Variants in TNS3 observed in about 807,000 individuals in gnomAD.
TNS3 encodes tensin-3.
TNS3 carries 45 observed loss-of-function variants against 140.9 expected under a neutral mutation model. The ratio of observed to expected loss-of-function variants is 0.32; its 90% CI spans 0.25 to 0.41. The LOEUF is 0.41. Among genes scored for constraint, TNS3 ranks in the 10% least tolerant of loss-of-function variants. The pLI is 1.00. For missense variants in TNS3, 1,716 were observed against 1,906.7 expected, an observed-to-expected ratio of 0.90 and a Z score of 1.86; for synonymous variants, 815 against 788.4, an observed-to-expected ratio of 1.03 and a Z score of -0.56.
chr7:47,357,725 G>A lies in TNS3; in HGVS notation c.2281+10640C>T, dbSNP rs201766610. Among the ~76,000 whole-genome samples, 11 of 145,558 alleles carry A rather than the reference G, an allele frequency of 7.6e-5. No homozygotes were observed. The East Asian group carries it at 1.1e-3, about 15-fold the overall frequency. On this transcript the variant is annotated intron_variant, in intron 17 of 30. Transcript: ENST00000311160. ...TGTCTAACCCTGATTCTAAGAGAAC[G>A]GGTAGGCGCCGGCAAAACTGCAACA...
chr7:47,305,474 G>A (rs887146101), intron 20 of TNS3, among the ~76,000 whole-genome samples: 7 of 152,258 alleles, frequency 4.6e-5, no homozygotes, highest in Non-Finnish European at 8.8e-5. Context: ...AGGCCCTGCG[G>A]CAGCCGGGCG....
intron 18 of TNS3, among the ~76,000 whole-genome samples, chr7:47,345,290 C>T (rs1434435830): frequency 2.0e-5 from 3 of 152,188 alleles, no homozygotes; most frequent in Non-Finnish European, 4.4e-5. Flanking sequence ...CCTTCTAATA[C>T]AATATACAGC....
In TNS3 at chr7:47,533,429, C is replaced by CTTTT. The variant is rs1554350879; in HGVS notation, c.-264-4286_-264-4283dup. ...ACAGGTGTGAGCCACCGCACCTGGC[C>CTTTT]TTTTTTTTTTTTTAAAAGACAAAGG... is the stretch of plus-strand genomic sequence containing the variant. On this transcript the variant is annotated intron_variant, in intron 1 of 30. Coordinates refer to ENST00000311160, the MANE Select transcript of TNS3 (RefSeq NM_022748.12). 1.9e-3 allele frequency among the ~76,000 whole-genome samples: 268 copies of CTTTT among 144,140 alleles called. 3 individuals are homozygous for CTTTT. Among genetic ancestry groups the CTTTT allele is most frequent in the African/African-American group, 6.6e-3 (258 of 39,048 alleles). 94.6% of individuals were successfully genotyped at this position (144,140 alleles called of 152,430 possible).
In TNS3 at chr7:47,316,223, G is replaced by C. The variant is rs76588457; in HGVS notation, c.2651-11220C>G. 1.7e-3 allele frequency among the ~76,000 whole-genome samples: 252 copies of C among 151,360 alleles called. 1 individual carries two copies. Among genetic ancestry groups the C allele is most frequent in the African/African-American group, 5.8e-3 (241 of 41,244 alleles). ...GGAAGTATCTTTTTCCATTATTTGA[G>C]AGAGTTCTAAAAAAATGGAACATCA... On this transcript the variant is annotated intron_variant, in intron 20 of 30. Transcript: ENST00000311160.
At chr7:47,577,458 G>A (rs1478394885) in intron 1 of TNS3, among the ~76,000 whole-genome samples, 2 of 152,150 alleles carry the variant, frequency 1.3e-5, no homozygotes, top group African/African-American at 2.4e-5. Context: ...TAGACAGCAG[G>A]CACGCCGCAG....
At chr7:47,395,997 G>C (rs917950746) in intron 16 of TNS3, among the ~76,000 whole-genome samples, 2 of 152,226 alleles carry the variant, frequency 1.3e-5, no homozygotes, top group African/African-American at 4.8e-5. Flanking sequence ...GATCCACAAA[G>C]ATGAGGCGCT....
chr7:47,553,843 CA>C (rs1191165192), intron 1 of TNS3, among the ~76,000 whole-genome samples: 1 of 151,660 alleles, frequency 6.6e-6, no homozygotes, highest in Non-Finnish European at 1.5e-5. Context: ...GGCTGGAGTG[CA>C]ATGGTGCAAT....
chr7:47,382,568 C>G (rs1791834327), intron 16 of TNS3, among the ~76,000 whole-genome samples: 1 of 152,136 alleles, frequency 6.6e-6, no homozygotes, highest in Non-Finnish European at 1.5e-5. Flanking sequence ...TTGAAAGCCC[C>G]CAAGCCTTTT....
Position 47,417,728 on chromosome 7 carries a change from G to C in TNS3, c.474-2522C>G, listed in dbSNP as rs115840476. On this transcript the variant is annotated intron_variant, in intron 10 of 30. Transcript: ENST00000311160. The stretch of plus-strand genomic sequence containing the variant: ...TGTAATTTTTTTTCTTCCTTCACAT[G>C]CTTTCTTAATAAGGTAAGATTAACA... Among the ~76,000 whole-genome samples the C allele has an allele frequency of 9.6e-3, 1,458 of 151,782 alleles. 16 individuals carry two copies. The highest frequency in any genetic ancestry group is 0.033 in the African/African-American group (1,360 of 41,344).
chr7:47,500,376 G>A (rs1798166991), intron 3 of TNS3, among the ~76,000 whole-genome samples: 1 of 152,246 alleles, frequency 6.6e-6, no homozygotes, highest in Non-Finnish European at 1.5e-5. Context: ...GAGAGGCAGA[G>A]CCCGTGCTGG....
intron 20 of TNS3, among the ~76,000 whole-genome samples, chr7:47,329,709 C>T (rs1285555607): frequency 6.6e-6 from 1 of 152,188 alleles, no homozygotes; most frequent in East Asian, 1.9e-4. Flanking sequence ...TGGCCTTTCC[C>T]GTGCCTGTCA....
chr7:47,536,506 T>C (rs1473986719), intron 1 of TNS3, among the ~76,000 whole-genome samples: 2 of 152,218 alleles, frequency 1.3e-5, no homozygotes, highest in African/African-American at 4.8e-5. Context: ...CCCCACTTCA[T>C]TGCAGAGCTA....
rs371204562 is a variant in TNS3, at chr7:47,438,443, T to C, written c.150+1044A>G. On this transcript the variant is annotated intron_variant, in intron 6 of 30. Coordinates refer to ENST00000311160, the MANE Select transcript of TNS3 (RefSeq NM_022748.12). ...GAGTGGCTTCCAAAGGAAGGAGCCATGGTCCTGCAGAGCACACCGCCTCAG... is the reference window on the plus strand; with the variant it reads ...GAGTGGCTTCCAAAGGAAGGAGCCACGGTCCTGCAGAGCACACCGCCTCAG... 1.1e-3 allele frequency among the ~76,000 whole-genome samples: 173 copies of C among 152,266 alleles called. 10 individuals carry two copies. The South Asian group carries it at 0.036, about 31-fold the overall frequency.
intron 1 of TNS3, among the ~76,000 whole-genome samples, chr7:47,580,518 CCT>C (rs1285791818): frequency 1.3e-5 from 2 of 150,160 alleles, no homozygotes; most frequent in Admixed American, 6.7e-5. Context: ...CCCCCCACCC[CCT>C]GTGCTACCAC....
chr7:47,371,334 G>T (rs568306668), intron 16 of TNS3, among the ~76,000 whole-genome samples: 1 of 152,326 alleles, frequency 6.6e-6, no homozygotes, highest in East Asian at 1.9e-4. Context: ...CTCACAGTAT[G>T]ACCTATGTTG....
At chr7:47,365,964 G>A (rs979193302) in intron 17 of TNS3, among the ~76,000 whole-genome samples, 1 of 152,078 alleles carries the variant, frequency 6.6e-6, no homozygotes, top group African/African-American at 2.4e-5. Context: ...GTTAACCTAA[G>A]CCAAGAGACT....
intron 1 of TNS3, among the ~76,000 whole-genome samples, chr7:47,560,421 T>C (rs896952243): frequency 6.6e-6 from 1 of 152,106 alleles, no homozygotes; most frequent in Non-Finnish European, 1.5e-5. Context: ...AGGTATCAGG[T>C]TGTAGCAGCA....
At chr7:47,305,533 G>C (rs970881257) in intron 20 of TNS3, among the ~76,000 whole-genome samples, 2 of 152,372 alleles carry the variant, frequency 1.3e-5, no homozygotes, top group Admixed American at 1.3e-4. Flanking sequence ...CCCCCAGCTG[G>C]TAACTGGGCC....
rs900718629 is a variant in TNS3 at position 47,453,241 on chromosome 7, C to T, written c.-75-11186G>A. On this transcript the variant is annotated intron_variant, in intron 4 of 30. Coordinates refer to ENST00000311160, the MANE Select transcript of TNS3 (RefSeq NM_022748.12). ...GGCTGAGGGCCAGCCTGCCGAGGGC[C>T]AGCCTGCCAAGGGCCTGAGGGACAG... The T allele has an allele frequency of 9.1e-6, 9 of 985,614 alleles. No individual in the cohort carries two copies. The Middle Eastern group carries it at 1.6e-3, about 171-fold the overall frequency. The allele number at this position is 985,614 out of a possible 1,614,324, so 61.1% of individuals were successfully genotyped here. A position where few individuals can be genotyped will look rare whatever the true frequency, so the allele number is the denominator to read the frequency against.
Sources: allele counts gnomAD v4.1 joint callset (sites outside exome capture counted in the v4.1 genomes callset), GRCh38; gene constraint gnomAD v4.1.1; transcripts MANE v1.5; gene names NCBI Gene and HGNC (gene_info 2026-07-23, HGNC 2026-07-21).